PSMA6: variants seen among roughly 807,000 people sequenced by gnomAD.
PSMA6 encodes the protein proteasome 20S subunit alpha 6.
For synonymous variants in PSMA6, 88 were observed against 97.7 expected (o/e 0.90, Z 0.59); for missense variants, 170 against 294.8 (o/e 0.58, Z 3.10).
At chr14:35,299,282 C>T (rs1380643084) in intron 1 of PSMA6, among the ~76,000 whole-genome samples, 1 of 145,278 alleles carries the variant, frequency 6.9e-6, no homozygotes, top group African/African-American at 2.6e-5. Flanking sequence ...CCTCCATTCC[C>T]AAAGTGCTGG....
chr14:35,305,186 A>G (rs1327611123), intron 1 of PSMA6, among the ~76,000 whole-genome samples: 1 of 146,440 alleles, frequency 6.8e-6, no homozygotes, highest in African/African-American at 2.5e-5. Flanking sequence ...TCTGTTGCCC[A>G]GGCTGGAGTA....
intron 6 of PSMA6, 172 bp downstream of exon 6, chr14:35,314,627 T>C (rs891029006): frequency 1.6e-4 from 122 of 755,674 alleles, no homozygotes; most frequent in Non-Finnish European, 2.1e-4. Flanking sequence ...TTGGACTCTA[T>C]TTAAGAGTCA....
intron 2 of PSMA6, 177 bp downstream of exon 2, chr14:35,308,265 T>C: frequency 1.5e-6 from 1 of 687,184 alleles, no homozygotes. Flanking sequence ...CTATTAAAAA[T>C]ACAAAATTAG....
At chr14:35,298,162 G>C (rs907818165) in intron 1 of PSMA6, among the ~76,000 whole-genome samples, 1 of 152,010 alleles carries the variant, frequency 6.6e-6, no homozygotes, top group Non-Finnish European at 1.5e-5. Context: ...GCTTGGAGTC[G>C]AGTTTAATGC....
intron 1 of PSMA6, among the ~76,000 whole-genome samples, chr14:35,293,821 C>T (rs2051532046): frequency 6.6e-6 from 1 of 152,148 alleles, no homozygotes; most frequent in African/African-American, 2.4e-5. Flanking sequence ...TTTCAGCGTT[C>T]CATTCGTGAT....
intron 1 of PSMA6, among the ~76,000 whole-genome samples, chr14:35,294,699 G>A (rs2051549370): frequency 6.6e-6 from 1 of 151,600 alleles, no homozygotes; most frequent in Admixed American, 6.6e-5. Flanking sequence ...TGATTCTTTG[G>A]CCCCCCCTTT....
At chr14:35,297,102 A>C (rs1386819230) in intron 1 of PSMA6, among the ~76,000 whole-genome samples, 2 of 150,982 alleles carry the variant, frequency 1.3e-5, no homozygotes, top group East Asian at 3.9e-4. Context: ...AAGTAGCTTC[A>C]AAAAAATCTT....
intron 1 of PSMA6, among the ~76,000 whole-genome samples, chr14:35,279,129 C>A (rs1448424954): frequency 6.6e-6 from 1 of 152,116 alleles, no homozygotes; most frequent in Non-Finnish European, 1.5e-5. Flanking sequence ...CTCACTGCAA[C>A]CTCCGCCTCC....
Position 35,292,508 on chromosome 14 carries a change from G to A in PSMA6, c.32G>A (p.Arg11His). 1 of 1,613,716 alleles carries A rather than the reference G, an allele frequency of 6.2e-7. No individual in the cohort carries two copies. Among genetic ancestry groups the A allele is most frequent in the Non-Finnish European group, 8.5e-7 (1 of 1,179,750 alleles). The change falls in exon 1 of 7, where the codon CGC (arginine) becomes CAC (histidine). Residue 11 changes from arginine (R) to histidine (H), a missense_variant. Coordinates refer to ENST00000261479, the MANE Select transcript of PSMA6 (RefSeq NM_002791.3). ...CGTGGTTCCAGCGCCGGTTTTGACC[G>A]CCACATTACCATTTTTTCACCCGAG... MSRGSSAGFD[R>H]HITIFSPEGR...
chr14:35,308,962 G>A lies in PSMA6; in HGVS notation c.220G>A (p.Glu74Lys). 1.2e-6 allele frequency: 2 copies of A among 1,610,302 alleles called. No homozygotes were observed. Among genetic ancestry groups the A allele is most frequent in the Non-Finnish European group, 1.7e-6 (2 of 1,177,336 alleles). ...AGTGACTCACTTATTCAAGATAACT[G>A]AAAACATTGGTTGTGTGATGACCGG... ...STVTHLFKIT[E>K]NIGCVMTGMT... is the part of the protein sequence containing the mutation. The change falls in exon 3 of 7, where the codon GAA becomes AAA. Residue 74 changes from glutamate (E) to lysine (K), a missense_variant. By Grantham distance (56) the Glu-to-Lys change is moderately conservative (BLOSUM62 1). Coordinates refer to ENST00000261479, the MANE Select transcript of PSMA6 (RefSeq NM_002791.3).
chr14:35,284,075 T>C (rs575064971), intron 1 of PSMA6, among the ~76,000 whole-genome samples: 2 of 152,298 alleles, frequency 1.3e-5, no homozygotes, highest in South Asian at 4.1e-4. Flanking sequence ...TCAAAAACAT[T>C]AAATGTCTCC....
intron 4 of PSMA6, 81 bp from the exon 5 acceptor site, chr14:35,312,800 C>A: frequency 1.6e-6 from 2 of 1,246,288 alleles, no homozygotes; most frequent in East Asian, 2.7e-5. Flanking sequence ...TGATTAGCAG[C>A]AGCTATGTGA....
chr14:35,313,306 A>C, intron 5 of PSMA6: 1 of 357,378 alleles, frequency 2.8e-6, no homozygotes, highest in South Asian at 4.8e-5. Flanking sequence ...ATATAAATAA[A>C]AATAGGAACC....
rs935977049 is a variant in PSMA6, at chr14:35,298,497, GA to G, written c.76+5955del. ...AAAGTGAGACTCCATCTCAAAAAAA[GA>G]AAAAAAAAAGGAAAAGGAACTATGA... On this transcript the variant is annotated intron_variant, in intron 1 of 6. Transcript: ENST00000261479. 5.4e-4 allele frequency among the ~76,000 whole-genome samples: 77 copies of G among 141,862 alleles called. 1 individual carries two copies. The highest frequency in any genetic ancestry group is 2.5e-3 in the South Asian group (11 of 4,480). The allele number at this position is 141,862 out of a possible 152,430, so 93.1% of individuals were successfully genotyped here.
chr14:35,304,720 C>G (rs1277571729), intron 1 of PSMA6, among the ~76,000 whole-genome samples: 2 of 139,288 alleles, frequency 1.4e-5, no homozygotes, highest in African/African-American at 2.7e-5. Context: ...GAGTGAAACT[C>G]CATCTCAAAA....
Position 35,292,450 on chromosome 14 carries a change from T to A in PSMA6, c.-27T>A. 1 of 1,605,308 alleles carries A rather than the reference T, an allele frequency of 6.2e-7. No homozygotes were observed. Among genetic ancestry groups the A allele is most frequent in the Non-Finnish European group, 8.5e-7 (1 of 1,175,910 alleles). ...TGCGGGAGCTACGGGGCCCAGGGAT[T>A]GTGTTTAAAGTAGTGCTTCTACCAA... On this transcript the variant is annotated 5_prime_UTR_variant, in exon 1 of 7. Coordinates refer to ENST00000261479, the MANE Select transcript of PSMA6 (RefSeq NM_002791.3).
chr14:35,299,684 CTACTGTT>C (rs1161597233), intron 1 of PSMA6, among the ~76,000 whole-genome samples: 2 of 152,156 alleles, frequency 1.3e-5, no homozygotes, highest in African/African-American at 4.8e-5. Context: ...AACCATGATA[CTACTGTT>C]TACCCTGCCA....
At chr14:35,292,985 C>T (rs2051516312) in intron 1 of PSMA6, 1 of 459,888 alleles carries the variant, frequency 2.2e-6, no homozygotes, top group Non-Finnish European at 4.4e-6. Context: ...CACACAGGCA[C>T]TCGAAGCCTG....
At chr14:35,311,342 T>C (rs1014333296) in intron 4 of PSMA6, among the ~76,000 whole-genome samples, 1 of 152,164 alleles carries the variant, frequency 6.6e-6, no homozygotes, top group Non-Finnish European at 1.5e-5. Flanking sequence ...ACAAGTAAAA[T>C]TGTATTGGGA....
Sources: allele counts gnomAD v4.1 joint callset (sites outside exome capture counted in the v4.1 genomes callset), GRCh38; gene constraint gnomAD v4.1.1; transcripts MANE v1.5; gene names NCBI Gene and HGNC (gene_info 2026-07-23, HGNC 2026-07-21).